Variants in CMTM4 observed in about 807,000 individuals in gnomAD.
The protein encoded by CMTM4 is CKLF like MARVEL transmembrane domain containing 4.
CMTM4 carries 8 observed loss-of-function variants against 19.0 expected under a neutral mutation model. That is an observed-to-expected ratio of 0.42 (90% CI 0.25 to 0.76). The LOEUF (loss-of-function observed/expected upper bound fraction) is 0.76. Ranked by LOEUF, CMTM4 falls within the 30% of genes least tolerant of loss-of-function variation. CMTM4 has a pLI of 0.27. For missense variants in CMTM4, 228 were observed against 290.2 expected, an observed-to-expected ratio of 0.79 and a Z score of 1.56; for synonymous variants, 106 against 121.1, an observed-to-expected ratio of 0.88 and a Z score of 0.82.
chr16:66,696,236 C>T lies in CMTM4; in HGVS notation c.186+104G>A, dbSNP rs530847083. ...GAGAGGGGGCGCGAGGAGCGGGCTC[C>T]GGCCTGGGCAAGCGGGTACGCGGCG... On this transcript the variant is annotated intron_variant, in intron 1 of 3. Transcript: ENST00000394106. The surrounding 1 kb of genome is among the most constrained non-coding windows in gnomAD (Gnocchi z 4.3). The T allele has an allele frequency of 1.4e-5, 12 of 828,882 alleles. No individual in the cohort carries two copies. In the African/African-American group the frequency reaches 1.6e-4, roughly 11 times the overall value. 51.3% of individuals were successfully genotyped at this position (828,882 alleles called of 1,614,324 possible). A position where few individuals can be genotyped will look rare whatever the true frequency, so the allele number is the denominator to read the frequency against.
intron 1 of CMTM4, among the ~76,000 whole-genome samples, chr16:66,642,961 G>A (rs955156128): frequency 2.0e-5 from 3 of 151,994 alleles, no homozygotes; most frequent in Non-Finnish European, 1.5e-5. Flanking sequence ...AGTCTCTGTC[G>A]CCCAGGCTGG....
downstream of CMTM4, chr16:66,613,494 C>T (rs2015460949): frequency 4.4e-6 from 1 of 229,158 alleles, no homozygotes; most frequent in South Asian, 1.2e-4. Flanking sequence ...CTATGGGCCA[C>T]TGCAGGAGAT....
chr16:66,694,712 CAA>C (rs752909314), intron 1 of CMTM4, among the ~76,000 whole-genome samples: 3 of 44,366 alleles, frequency 6.8e-5, no homozygotes, highest in Admixed American at 5.0e-4. Context: ...GACTCCATCT[CAA>C]AAAAAAAAAA....
At chr16:66,661,154 A>G (rs1393944743) in intron 1 of CMTM4, among the ~76,000 whole-genome samples, 2 of 152,216 alleles carry the variant, frequency 1.3e-5, no homozygotes, top group Non-Finnish European at 2.9e-5. Context: ...ATTTGGGAGA[A>G]AACATACAAA....
At chr16:66,631,729 G>A (rs981179652) in intron 2 of CMTM4, among the ~76,000 whole-genome samples, 1 of 152,044 alleles carries the variant, frequency 6.6e-6, no homozygotes, top group African/African-American at 2.4e-5. Context: ...ATGCTTGAAG[G>A]CAACATGCTC....
downstream of CMTM4, among the ~76,000 whole-genome samples, chr16:66,610,426 G>A (rs1027123027): frequency 6.6e-6 from 1 of 152,200 alleles, no homozygotes; most frequent in Non-Finnish European, 1.5e-5. The surrounding 1 kb of genome is among the most constrained non-coding windows in gnomAD (Gnocchi z 4.6). Context: ...ACCGTGGCAA[G>A]GGACAGATGA....
intron 1 of CMTM4, among the ~76,000 whole-genome samples, chr16:66,667,586 C>T (rs2016621484): frequency 6.6e-6 from 1 of 152,012 alleles, no homozygotes; most frequent in Non-Finnish European, 1.5e-5. Flanking sequence ...ATGAACTTTA[C>T]AAAGTTTAAA....
At chr16:66,627,082 GA>G (rs1283595137) in intron 2 of CMTM4, among the ~76,000 whole-genome samples, 5 of 152,164 alleles carry the variant, frequency 3.3e-5, no homozygotes, top group African/African-American at 1.2e-4. Flanking sequence ...CAGCCTGGGG[GA>G]CAGCGTGAGA....
At chr16:66,651,879 T>C (rs139902387) in intron 1 of CMTM4, among the ~76,000 whole-genome samples, 1 of 152,212 alleles carries the variant, frequency 6.6e-6, no homozygotes, top group East Asian at 1.9e-4. Flanking sequence ...AATGAGCAAA[T>C]AATGTTTGGT....
At chr16:66,631,134 C>G (rs2015853551) in intron 2 of CMTM4, among the ~76,000 whole-genome samples, 1 of 151,902 alleles carries the variant, frequency 6.6e-6, no homozygotes, top group South Asian at 2.1e-4. Flanking sequence ...AGGAGCGTCT[C>G]TGCCCGGCAG....
intron 1 of CMTM4, among the ~76,000 whole-genome samples, chr16:66,655,518 CGTGTGTGTGTGTGT>C (rs72390418): frequency 1.4e-5 from 2 of 148,022 alleles, no homozygotes; most frequent in South Asian, 2.2e-4. Context: ...AGGACAGAAA[CGTGTGTGTGTGTGT>C]GTGTGTGTGT....
downstream of CMTM4, chr16:66,612,767 C>T: frequency 1.1e-6 from 1 of 881,256 alleles, no homozygotes; most frequent in South Asian, 1.6e-5. The surrounding 1 kb of genome is among the most constrained non-coding windows in gnomAD (Gnocchi z 6.0). Flanking sequence ...CAGCAGGCCC[C>T]CTACAGCCTC....
At chr16:66,644,754 C>T (rs2016159632) in intron 1 of CMTM4, among the ~76,000 whole-genome samples, 1 of 152,232 alleles carries the variant, frequency 6.6e-6, no homozygotes, top group Admixed American at 6.5e-5. Flanking sequence ...CCACAGCAGC[C>T]TGCAATGTTC....
the CMTM4 span, chr16:66,609,711 T>G: frequency 2.6e-6 from 4 of 1,551,566 alleles, no homozygotes; most frequent in Non-Finnish European, 3.5e-6. The surrounding 1 kb of genome is among the most constrained non-coding windows in gnomAD (Gnocchi z 4.4). Context: ...GAAAGGCTGT[T>G]TGTCAAACCA....
chr16:66,681,814 C>T (rs1783591024), intron 1 of CMTM4, among the ~76,000 whole-genome samples: 1 of 152,204 alleles, frequency 6.6e-6, no homozygotes. Context: ...TTGCCCTTCC[C>T]TTCCATACCT....
intron 1 of CMTM4, among the ~76,000 whole-genome samples, chr16:66,650,120 C>T (rs2016282875): frequency 6.6e-6 from 1 of 152,196 alleles, no homozygotes; most frequent in South Asian, 2.1e-4. Context: ...GCTTCCCAGT[C>T]AACACCAAAC....
chr16:66,612,927 G>A, downstream of CMTM4: 1 of 631,556 alleles, frequency 1.6e-6, no homozygotes, highest in Admixed American at 2.5e-5. This position sits in a 1 kb window ranked among gnomAD's most constrained non-coding sequence, Gnocchi z 6.0. Flanking sequence ...CCAAAAACCA[G>A]CACAAGGAGA....
At position 66,620,878 on chromosome 16, in the gene CMTM4, C is replaced by G. The variant is rs1166485264; in HGVS notation, c.*1180G>C. The G allele has an allele frequency of 3.0e-6, 3 of 985,654 alleles. No individual in the cohort carries two copies. The Admixed American group carries it at 1.8e-4, about 61-fold the overall frequency. The allele number at this position is 985,654 out of a possible 1,614,324, so 61.1% of individuals were successfully genotyped here. On this transcript the variant is annotated 3_prime_UTR_variant, in exon 4 of 4. Transcript: ENST00000394106. ...CATGGGGACTCACTGAACTCATTCACCACACACAATAATCTTCACTTTATC... is the reference window on the plus strand; with the variant it reads ...CATGGGGACTCACTGAACTCATTCAGCACACACAATAATCTTCACTTTATC...
Position 66,690,055 on chromosome 16 carries a change from T to C in CMTM4, c.186+6285A>G, listed in dbSNP as rs1420323709. On this transcript the variant is annotated intron_variant, in intron 1 of 3. Coordinates refer to ENST00000394106, the MANE Select transcript of CMTM4 (RefSeq NM_181521.3). ...TTATAACTTTGCTTTTCTGCCAGAATTTATTTGACTCCAAGTCCTTGATCA... is the reference window on the plus strand; with the variant it reads ...TTATAACTTTGCTTTTCTGCCAGAACTTATTTGACTCCAAGTCCTTGATCA... 2.0e-5 allele frequency among the ~76,000 whole-genome samples: 3 copies of C among 152,118 alleles called. No individual in the cohort carries two copies. The East Asian group carries it at 5.8e-4, about 29-fold the overall frequency.
Sources: allele counts gnomAD v4.1 joint callset (sites outside exome capture counted in the v4.1 genomes callset), GRCh38; gene constraint gnomAD v4.1.1; non-coding constraint Gnocchi (gnomAD v3.1); transcripts MANE v1.5; gene names NCBI Gene and HGNC (gene_info 2026-07-23, HGNC 2026-07-21).